FRAS1: variants seen among roughly 807,000 people sequenced by gnomAD.
FRAS1 encodes extracellular matrix organizing protein FRAS1.
A neutral mutation model predicts 435.2 loss-of-function variants in FRAS1; 290 were observed. The observed-to-expected ratio is 0.67, with a 90% CI of 0.61 to 0.73. The LOEUF is 0.73. Ranked by LOEUF, FRAS1 falls within the 30% of genes least tolerant of loss-of-function variation. FRAS1 has a pLI of 0.00. For missense variants in FRAS1, 4,860 were observed against 5,001.5 expected (o/e 0.97, Z 0.85); for synonymous variants, 1,800 against 1,851.0 (o/e 0.97, Z 0.71).
rs1034424394 is a variant in FRAS1, at chr4:78,123,016, A to T, written c.108+57000A>T. ...TTTGTCAATTTTGGCTTTTGTTGCC[A>T]TTGCTTTTGGTGTTTTAGACATGAA... On this transcript the variant is annotated intron_variant, in intron 2 of 73. Coordinates refer to ENST00000512123, the MANE Select transcript of FRAS1 (RefSeq NM_025074.7). Among the ~76,000 whole-genome samples, 15 of 152,220 alleles carry T rather than the reference A, an allele frequency of 9.9e-5. 1 individual carries two copies. The South Asian group carries it at 2.9e-3, about 29-fold the overall frequency.
In FRAS1 at chr4:78,378,333, G is replaced by A. The variant is rs531907627; in HGVS notation, c.3293-1393G>A. Among the ~76,000 whole-genome samples the A allele has an allele frequency of 2.5e-3, 377 of 152,190 alleles. 4 individuals are homozygous for A. Among genetic ancestry groups the A allele is most frequent in the African/African-American group, 8.8e-3 (365 of 41,484 alleles). On this transcript the variant is annotated intron_variant, in intron 26 of 73. Coordinates refer to ENST00000512123, the MANE Select transcript of FRAS1 (RefSeq NM_025074.7). ...TTATTTATCCATTAAACAATGAATGGACTTTTGAGTTGATTTCACTTTTTG... is the reference window on the plus strand; with the variant it reads ...TTATTTATCCATTAAACAATGAATGAACTTTTGAGTTGATTTCACTTTTTG...
intron 30 of FRAS1, among the ~76,000 whole-genome samples, chr4:78,406,582 C>T (rs1733104585): frequency 6.6e-6 from 1 of 152,144 alleles, no homozygotes; most frequent in African/African-American, 2.4e-5. Context: ...ATTACCTTCC[C>T]CTGGGTCCCT....
At chr4:78,348,007 G>T (rs1416958731) in intron 20 of FRAS1, among the ~76,000 whole-genome samples, 1 of 50,838 alleles carries the variant, frequency 2.0e-5, no homozygotes, top group Admixed American at 1.6e-4. Flanking sequence ...GGCCGAATAG[G>T]AACAGCTCCG....
chr4:78,193,600 CT>C (rs910420612), intron 2 of FRAS1, among the ~76,000 whole-genome samples: 1 of 152,028 alleles, frequency 6.6e-6, no homozygotes, highest in African/African-American at 2.4e-5. Context: ...CAACCCCTGT[CT>C]TTTTTTGTTT....
At chr4:78,137,051 G>C (rs888274534) in intron 2 of FRAS1, among the ~76,000 whole-genome samples, 4 of 152,200 alleles carry the variant, frequency 2.6e-5, no homozygotes, top group African/African-American at 9.6e-5. Flanking sequence ...AGCAAGAAAA[G>C]CTCTGGAAAG....
intron 46 of FRAS1, 32 bp downstream of exon 46, chr4:78,451,923 C>G: frequency 6.3e-7 from 1 of 1,581,060 alleles, no homozygotes; most frequent in Non-Finnish European, 8.6e-7. Context: ...TAATATAAAA[C>G]TATTTTAGCA....
intron 2 of FRAS1, among the ~76,000 whole-genome samples, chr4:78,130,981 G>A (rs1015404617): frequency 2.6e-5 from 4 of 152,172 alleles, no homozygotes; most frequent in South Asian, 2.1e-4. Context: ...TCAAGCTGTA[G>A]CACCAAATAA....
chr4:78,114,141 G>A (rs1230055602), intron 2 of FRAS1, among the ~76,000 whole-genome samples: 5 of 151,916 alleles, frequency 3.3e-5, no homozygotes, highest in Admixed American at 6.6e-5. Context: ...ATAGTTGTAG[G>A]TATGCGGCAT....
chr4:78,429,170 T>G lies in FRAS1; in HGVS notation c.4787T>G (p.Val1596Gly). 1 of 1,601,320 alleles carries G rather than the reference T, an allele frequency of 6.2e-7. No homozygotes were observed. Among genetic ancestry groups the G allele is most frequent in the Non-Finnish European group, 8.5e-7 (1 of 1,174,148 alleles). The change falls in exon 36 of 74, where the codon GTG becomes GGG. Residue 1596 changes from valine to glycine, a missense_variant. Physicochemically the swap from Val to Gly is moderately radical, Grantham distance 109. Transcript: ENST00000512123. The stretch of plus-strand genomic sequence containing the variant: ...CTTCCCAGTGATCAGCAACTGCCAG[T>G]GTTCCAGGTCACAGCTCCACGGCTG... ...HLLPSDQQLPVFQVTAPRLAV... is the reference protein window; with the variant it reads ...HLLPSDQQLPGFQVTAPRLAV...
chr4:78,200,106 G>A (rs772897149), intron 2 of FRAS1, among the ~76,000 whole-genome samples: 69 of 152,294 alleles, frequency 4.5e-4, no homozygotes, highest in Non-Finnish European at 8.7e-4. Flanking sequence ...TCAATGTGAA[G>A]CAGTTGAACA....
At chr4:78,216,944 G>A (rs1578190086) in intron 2 of FRAS1, among the ~76,000 whole-genome samples, 2 of 152,152 alleles carry the variant, frequency 1.3e-5, no homozygotes, top group Admixed American at 6.5e-5. Context: ...TAAGACTGGA[G>A]CAAAGTCAGG....
At chr4:78,249,476 C>A (rs1362389331) in intron 4 of FRAS1, among the ~76,000 whole-genome samples, 2 of 151,862 alleles carry the variant, frequency 1.3e-5, no homozygotes, top group African/African-American at 2.4e-5. Flanking sequence ...GCAACCGCCA[C>A]CACACCCAGC....
At chr4:78,497,063 G>A (rs1720528938) in intron 60 of FRAS1, 102 bp downstream of exon 60, 3 of 894,484 alleles carry the variant, frequency 3.4e-6, no homozygotes, top group South Asian at 3.4e-5. Flanking sequence ...CTTTAAGAAT[G>A]CCTACTGATA....
rs345513 is a variant in FRAS1, at chr4:78,318,909, A to T, written c.2060A>T (p.Asp687Val). 1.5e-5 allele frequency: 25 copies of T among 1,613,766 alleles called. No individual in the cohort carries two copies. In the African/African-American group the frequency reaches 2.4e-4, roughly 16 times the overall value. Residue 687 changes from aspartate to valine, a missense_variant, in exon 18 of 74, where the codon GAC (aspartate) becomes GTC (valine). By Grantham distance (152) the Asp-to-Val change is radical (BLOSUM62 -3). Transcript: ENST00000512123. ...EEGLQVEQLS[D>V]VGIPSGECLA... ...GGACTGCAAGTGGAGCAGCTGTCTG[A>T]CGTGGGCATCCCCTCTGGCGAGTGT...
chr4:78,290,783 T>C (rs1395511352), intron 14 of FRAS1, among the ~76,000 whole-genome samples: 2 of 142,156 alleles, frequency 1.4e-5, no homozygotes, highest in Non-Finnish European at 3.0e-5. Flanking sequence ...AATTGGTTCA[T>C]GGTTTCTGTT....
intron 27 of FRAS1, among the ~76,000 whole-genome samples, chr4:78,381,375 C>T (rs1732009523): frequency 6.6e-6 from 1 of 152,168 alleles, no homozygotes; most frequent in African/African-American, 2.4e-5. Context: ...ACGATCTTGG[C>T]TCACTGCAAC....
At chr4:78,456,681 G>A (rs1181289210) in intron 47 of FRAS1, among the ~76,000 whole-genome samples, 1 of 152,180 alleles carries the variant, frequency 6.6e-6, no homozygotes, top group African/African-American at 2.4e-5. Context: ...ATTCAGATGG[G>A]GTTGAAGGGT....
Position 78,518,445 on chromosome 4 carries a change from TA to T in FRAS1, c.10390-885del, listed in dbSNP as rs1560423162. On this transcript the variant is annotated intron_variant, in intron 66 of 73. Coordinates refer to ENST00000512123, the MANE Select transcript of FRAS1 (RefSeq NM_025074.7). ...GTGTATATATATATATATATATATA[TA>T]TATATATTTATTTATTTATTTATTT... 8.5e-3 allele frequency among the ~76,000 whole-genome samples: 1,125 copies of T among 132,512 alleles called. 20 individuals carry two copies. In the East Asian group the frequency reaches 0.087, roughly 10 times the overall value. The allele number at this position is 132,512 out of a possible 152,430, so 86.9% of individuals were successfully genotyped here.
At chr4:78,123,364 G>C (rs1329317279) in intron 2 of FRAS1, among the ~76,000 whole-genome samples, 1 of 152,188 alleles carries the variant, frequency 6.6e-6, no homozygotes, top group African/African-American at 2.4e-5. Flanking sequence ...GTACCGTGCT[G>C]TTTCGGTTAC....
Sources: allele counts gnomAD v4.1 joint callset (sites outside exome capture counted in the v4.1 genomes callset), GRCh38; gene constraint gnomAD v4.1.1; transcripts MANE v1.5; gene names NCBI Gene and HGNC (gene_info 2026-07-23, HGNC 2026-07-21).